The following IL2RA variants were observed in gnomAD, a reference collection of about 807,000 sequenced individuals.
The protein encoded by IL2RA is interleukin-2 receptor subunit alpha.
Under a neutral mutation model 37.8 loss-of-function variants are expected in IL2RA, and 24 were observed. The observed-to-expected ratio is 0.63, with a 90% CI of 0.46 to 0.89. The LOEUF is 0.89. Among genes scored for constraint, IL2RA ranks in the 40% least tolerant of loss-of-function variants. IL2RA has a pLI of 0.00. For synonymous variants in IL2RA, 125 were observed against 114.6 expected (o/e 1.09, Z -0.58); for missense variants, 319 against 348.6 (o/e 0.92, Z 0.68).
intron 1 of IL2RA, among the ~76,000 whole-genome samples, chr10:6,052,813 C>T (rs1181423277): frequency 3.9e-5 from 6 of 152,206 alleles, no homozygotes; most frequent in Admixed American, 6.5e-5. Context: ...TGGTGACTCA[C>T]GCCCGGAGGT....
Position 6,028,712 on chromosome 10 carries a change from G to A in IL2RA, c.65-2687C>T, listed in dbSNP as rs2025346. ...AAAAGTGCTCAATAGAAACAGACCCGTAAAATTGGGTGTGGTGGCTCATGC... is the reference window on the plus strand; with the variant it reads ...AAAAGTGCTCAATAGAAACAGACCCATAAAATTGGGTGTGGTGGCTCATGC... On this transcript the variant is annotated intron_variant, in intron 1 of 7. Coordinates refer to ENST00000379959, the MANE Select transcript of IL2RA (RefSeq NM_000417.3). This position sits in a 1 kb window ranked among gnomAD's most constrained non-coding sequence, Gnocchi z 4.1. Among the ~76,000 whole-genome samples the A allele has an allele frequency of 0.068, 10,355 of 152,228 alleles. 571 individuals carry two copies. The highest frequency in any genetic ancestry group is 0.32 in the East Asian group (1,657 of 5,182).
intron 1 of IL2RA, among the ~76,000 whole-genome samples, chr10:6,031,134 T>C (rs1839567634): frequency 6.6e-6 from 1 of 151,884 alleles, no homozygotes; most frequent in Non-Finnish European, 1.5e-5. Flanking sequence ...TTACATTAAA[T>C]ATAAATGGAC....
intron 1 of IL2RA, among the ~76,000 whole-genome samples, chr10:6,034,777 C>A (rs1275909557): frequency 6.6e-6 from 1 of 152,186 alleles, no homozygotes; most frequent in East Asian, 1.9e-4. Flanking sequence ...GTCTTCTCAA[C>A]ATAAATCATT....
chr10:6,050,335 A>T (rs912783164), intron 1 of IL2RA, among the ~76,000 whole-genome samples: 1 of 152,068 alleles, frequency 6.6e-6, no homozygotes, highest in African/African-American at 2.4e-5. Flanking sequence ...CAGTTTCCTC[A>T]TCCGTAAAAT....
rs115016365 is a variant in IL2RA at position 6,013,969 on chromosome 10, C to A, written c.795-1073G>T. On this transcript the variant is annotated intron_variant, in intron 7 of 7. Coordinates refer to ENST00000379959, the MANE Select transcript of IL2RA (RefSeq NM_000417.3). The stretch of plus-strand genomic sequence containing the variant: ...ACCTCGCCCTTACCAGTAGCTGGGA[C>A]TACAGGTATGTGCCACCTCGCCTAG... Among the ~76,000 whole-genome samples, 800 of 151,754 alleles carry A rather than the reference C, an allele frequency of 5.3e-3. 9 individuals carry two copies. The highest frequency in any genetic ancestry group is 0.018 in the African/African-American group (764 of 41,366).
chr10:6,059,389 C>G (rs529343656), intron 1 of IL2RA, among the ~76,000 whole-genome samples: 1 of 152,288 alleles, frequency 6.6e-6, no homozygotes, highest in South Asian at 2.1e-4. Context: ...TCTAGGGGTT[C>G]ATGATATCCA....
Position 6,033,322 on chromosome 10 carries a change from CAA to C in IL2RA, c.65-7299_65-7298del, listed in dbSNP as rs111395910. Reference sequence around the variant, plus strand: ...AAACAAAGAAACAAACAAACAACAACAAAAAAAAAACAAAAAAAGAAAGTATT... The same window carrying C: ...AAACAAAGAAACAAACAAACAACAACAAAAAAAACAAAAAAAGAAAGTATT... On this transcript the variant is annotated intron_variant, in intron 1 of 7. Coordinates refer to ENST00000379959, the MANE Select transcript of IL2RA (RefSeq NM_000417.3). This position sits in a 1 kb window ranked among gnomAD's most constrained non-coding sequence, Gnocchi z 4.3. Among the ~76,000 whole-genome samples the C allele has an allele frequency of 9.6e-5, 14 of 146,548 alleles. No individual in the cohort carries two copies. The highest frequency in any genetic ancestry group is 3.2e-4 in the African/African-American group (13 of 40,042).
chr10:6,037,663 T>G (rs1185136298), intron 1 of IL2RA, among the ~76,000 whole-genome samples: 2 of 152,220 alleles, frequency 1.3e-5, no homozygotes, highest in Non-Finnish European at 2.9e-5. Flanking sequence ...CAGAATCAGA[T>G]AGATTCTGGG....
At chr10:6,040,701 T>G (rs2132880211) in intron 1 of IL2RA, among the ~76,000 whole-genome samples, 1 of 152,264 alleles carries the variant, frequency 6.6e-6, no homozygotes, top group Non-Finnish European at 1.5e-5. Context: ...CATCTTTGGG[T>G]TTTTCTCACT....
At chr10:6,031,661 C>A (rs944773577) in intron 1 of IL2RA, among the ~76,000 whole-genome samples, 8 of 150,918 alleles carry the variant, frequency 5.3e-5, no homozygotes, top group Non-Finnish European at 8.9e-5. Flanking sequence ...ACTTGTAATA[C>A]CACTAAACTG....
chr10:6,013,860 C>G (rs1839233030), intron 7 of IL2RA, among the ~76,000 whole-genome samples: 2 of 129,858 alleles, frequency 1.5e-5, no homozygotes, highest in South Asian at 4.7e-4. Flanking sequence ...GAGACAGCGT[C>G]TCAATCTGTC....
rs560331079 is a variant in IL2RA, at chr10:6,017,705, A to G, written c.794+348T>C. Among the ~76,000 whole-genome samples, 7 of 151,520 alleles carry G rather than the reference A, an allele frequency of 4.6e-5. No individual in the cohort carries two copies. In the South Asian group the frequency reaches 1.5e-3, roughly 32 times the overall value. On this transcript the variant is annotated intron_variant, in intron 7 of 7. Coordinates refer to ENST00000379959, the MANE Select transcript of IL2RA (RefSeq NM_000417.3). ...ATCTTCCTGCCTCAGCCGCCCAAGT[A>G]GCTGGGATTACAGGCACCTGCCACC...
chr10:6,049,967 T>G (rs188838821), intron 1 of IL2RA, among the ~76,000 whole-genome samples: 32 of 152,242 alleles, frequency 2.1e-4, no homozygotes, highest in South Asian at 4.2e-4. Context: ...GAGGTTCCCT[T>G]TGAAGGACAG....
Position 6,029,355 on chromosome 10 carries a change from A to T in IL2RA, c.65-3330T>A, listed in dbSNP as rs890991156. Among the ~76,000 whole-genome samples, 11 of 151,788 alleles carry T rather than the reference A, an allele frequency of 7.2e-5. No individual in the cohort carries two copies. Among genetic ancestry groups the T allele is most frequent in the African/African-American group, 2.7e-4 (11 of 41,310 alleles). On this transcript the variant is annotated intron_variant, in intron 1 of 7. Transcript: ENST00000379959. The surrounding 1 kb of genome is among the most constrained non-coding windows in gnomAD (Gnocchi z 4.6). The stretch of plus-strand genomic sequence containing the variant: ...ACTTTTTGTGTTTTTAGTAGAGATG[A>T]GGTTTCACCACGTTTGCCAGGCTGG...
chr10:6,061,593 A>G (rs941414532), intron 1 of IL2RA, among the ~76,000 whole-genome samples: 1 of 152,188 alleles, frequency 6.6e-6, no homozygotes, highest in African/African-American at 2.4e-5. Context: ...ACGTAAAAGC[A>G]GTGTATACAT....
At position 6,012,538 on chromosome 10, in the gene IL2RA, A is replaced by G; in HGVS notation, c.*334T>C. On this transcript the variant is annotated 3_prime_UTR_variant, in exon 8 of 8. Transcript: ENST00000379959. The surrounding 1 kb of genome is among the most constrained non-coding windows in gnomAD (Gnocchi z 4.8). ...ACCTACTTTTCTTTATACTACATATAGGGTGGAGAGAGTTCCATACCATTC... is the reference window on the plus strand; with the variant it reads ...ACCTACTTTTCTTTATACTACATATGGGGTGGAGAGAGTTCCATACCATTC... 2.3e-6 allele frequency: 1 copy of G among 435,788 alleles called. No homozygotes were observed. Among genetic ancestry groups the G allele is most frequent in the Non-Finnish European group, 4.3e-6 (1 of 235,206 alleles). The allele number at this position is 435,788 out of a possible 1,614,324, so 27.0% of individuals were successfully genotyped here.
intron 1 of IL2RA, among the ~76,000 whole-genome samples, chr10:6,050,737 C>G (rs143318297): frequency 7.0e-4 from 106 of 152,324 alleles, no homozygotes; most frequent in Non-Finnish European, 2.8e-4. Flanking sequence ...AAGCAGAGCA[C>G]GCAGCAAGGC....
rs1840066163 is a variant in IL2RA, at chr10:6,057,602, G to T, written c.64+4486C>A. ...GCCCTCCCCGTGTCCTCTCCTCAGT[G>T]CTTTGGCCCACTTTCTGCTTCCTGC... On this transcript the variant is annotated intron_variant, in intron 1 of 7. Transcript: ENST00000379959. The surrounding 1 kb of genome is among the most constrained non-coding windows in gnomAD (Gnocchi z 4.8). Among the ~76,000 whole-genome samples, 1 of 152,166 alleles carries T rather than the reference G, an allele frequency of 6.6e-6. No individual in the cohort carries two copies. The highest frequency in any genetic ancestry group is 2.4e-5 in the African/African-American group (1 of 41,448).
Position 6,057,382 on chromosome 10 carries a change from C to A in IL2RA, c.64+4706G>T, listed in dbSNP as rs1426164309. 2.0e-5 allele frequency among the ~76,000 whole-genome samples: 3 copies of A among 152,142 alleles called. No homozygotes were observed. Among genetic ancestry groups the A allele is most frequent in the African/African-American group, 7.2e-5 (3 of 41,438 alleles). On this transcript the variant is annotated intron_variant, in intron 1 of 7. Transcript: ENST00000379959. This position sits in a 1 kb window ranked among gnomAD's most constrained non-coding sequence, Gnocchi z 4.8. ...CATTGATACACAAAAGTCGCTCAACCCTGACCGTGCCAGTATGTCTTCATT... is the reference window on the plus strand; with the variant it reads ...CATTGATACACAAAAGTCGCTCAACACTGACCGTGCCAGTATGTCTTCATT...
Sources: allele counts gnomAD v4.1 joint callset (sites outside exome capture counted in the v4.1 genomes callset), GRCh38; gene constraint gnomAD v4.1.1; non-coding constraint Gnocchi (gnomAD v3.1); transcripts MANE v1.5; gene names NCBI Gene and HGNC (gene_info 2026-07-23, HGNC 2026-07-21).